Variants in AGBL1 observed in about 807,000 individuals in gnomAD.
AGBL1 encodes cytosolic carboxypeptidase 4.
In AGBL1, 130 loss-of-function variants were observed where a neutral mutation model predicts 118.9. That is an observed-to-expected ratio of 1.09 (90% CI 0.95 to 1.26). The LOEUF is 1.26. AGBL1 is among the 50% of genes most tolerant of loss of function. AGBL1 has a pLI of 0.00. For missense variants in AGBL1, 1,584 were observed against 1,298.1 expected (o/e 1.22, Z -3.38); for synonymous variants, 555 against 478.9 (o/e 1.16, Z -2.08).
chr15:86,398,531 AG>A (rs1327635404), intron 18 of AGBL1, among the ~76,000 whole-genome samples: 1 of 152,176 alleles, frequency 6.6e-6, no homozygotes, highest in Non-Finnish European at 1.5e-5. Flanking sequence ...GCAAAAAAGA[AG>A]TTTAGAAAAC....
chr15:86,534,598 C>G (rs1028495022), intron 19 of AGBL1, among the ~76,000 whole-genome samples: 1 of 152,118 alleles, frequency 6.6e-6, no homozygotes, highest in African/African-American at 2.4e-5. Flanking sequence ...TTTTCTGTCT[C>G]TTTTGTTTGT....
At chr15:86,700,258 G>T (rs916951242) in intron 22 of AGBL1, among the ~76,000 whole-genome samples, 1 of 151,900 alleles carries the variant, frequency 6.6e-6, no homozygotes, top group African/African-American at 2.4e-5. Flanking sequence ...AATTTCTCAT[G>T]CTGGCTGTTG....
intron 22 of AGBL1, among the ~76,000 whole-genome samples, chr15:86,694,208 T>A (rs1406621778): frequency 1.3e-5 from 2 of 152,150 alleles, no homozygotes; most frequent in Admixed American, 6.5e-5. Context: ...TTCACAATAT[T>A]GATTTTACCC....
chr15:86,406,358 C>T (rs1321681520), intron 18 of AGBL1, among the ~76,000 whole-genome samples: 1 of 152,104 alleles, frequency 6.6e-6, no homozygotes, highest in African/African-American at 2.4e-5. Flanking sequence ...GCTCAACATG[C>T]CGTAGTATGG....
At chr15:86,463,409 A>C (rs560989360) in intron 18 of AGBL1, among the ~76,000 whole-genome samples, 1 of 151,854 alleles carries the variant, frequency 6.6e-6, no homozygotes, top group South Asian at 2.1e-4. Flanking sequence ...CTCTGATGAT[A>C]GTTTCTTTTG....
chr15:86,248,964 G>A (rs1386443980), intron 7 of AGBL1, among the ~76,000 whole-genome samples: 1 of 152,164 alleles, frequency 6.6e-6, no homozygotes, highest in African/African-American at 2.4e-5. Context: ...AGTTGCAGAG[G>A]AAGAGCATCC....
intron 22 of AGBL1, among the ~76,000 whole-genome samples, chr15:86,712,930 T>G (rs553569631): frequency 2.2e-4 from 33 of 152,266 alleles, no homozygotes; most frequent in African/African-American, 6.5e-4. Context: ...CCTCCTCTCC[T>G]GGTCTGCATG....
intron 22 of AGBL1, among the ~76,000 whole-genome samples, chr15:86,703,089 A>C (rs1424415107): frequency 6.6e-6 from 1 of 152,180 alleles, no homozygotes; most frequent in African/African-American, 2.4e-5. Context: ...AATTTTAAGG[A>C]GCAACACTGA....
chr15:86,572,249 G>T (rs1443073263), intron 21 of AGBL1, among the ~76,000 whole-genome samples: 1 of 152,158 alleles, frequency 6.6e-6, no homozygotes, highest in Non-Finnish European at 1.5e-5. Context: ...GCCATGGCAG[G>T]GAGGCTGCAG....
In AGBL1 at chr15:86,994,294, G is replaced by A. The variant is rs185939735; in HGVS notation, c.3323+6206G>A. Among the ~76,000 whole-genome samples the A allele has an allele frequency of 2.9e-3, 429 of 149,860 alleles. 2 individuals are homozygous for A. The Middle Eastern group carries it at 0.031, about 11-fold the overall frequency. On this transcript the variant is annotated intron_variant, in intron 24 of 24. Coordinates refer to the AGBL1 transcript ENST00000441037. ...AACTTTGAAAAGCCTAAACAACAAG[G>A]GAATATCTCTCTCTCTCTATATATA... is the stretch of plus-strand genomic sequence containing the variant.
intron 18 of AGBL1, among the ~76,000 whole-genome samples, chr15:86,469,757 G>C (rs944395853): frequency 7.9e-5 from 12 of 151,910 alleles, no homozygotes; most frequent in Non-Finnish European, 1.5e-5. Context: ...TTGTCTTTTT[G>C]TTCAAAACTA....
intron 21 of AGBL1, among the ~76,000 whole-genome samples, chr15:86,652,932 T>C (rs1235489273): frequency 1.3e-5 from 2 of 152,176 alleles, no homozygotes; most frequent in Non-Finnish European, 2.9e-5. Context: ...AAGTCAAGGA[T>C]GTTGCACAAT....
At chr15:86,310,435 G>A (rs554795808) in intron 17 of AGBL1, among the ~76,000 whole-genome samples, 4 of 152,298 alleles carry the variant, frequency 2.6e-5, no homozygotes, top group Middle Eastern at 6.8e-3. Flanking sequence ...CAGGCTTCCT[G>A]TTGGAGTCCT....
At position 86,610,920 on chromosome 15, in the gene AGBL1, C is replaced by T. The variant is rs565513403; in HGVS notation, c.2994+56383C>T. Among the ~76,000 whole-genome samples the T allele has an allele frequency of 2.6e-5, 4 of 152,280 alleles. No individual in the cohort carries two copies. The South Asian group carries it at 8.3e-4, about 32-fold the overall frequency. ...AGTCTGCTCCCTGAACTTGCAGCTT[C>T]ATTGTCACCTGGGAAATGTTAAAAG... On this transcript the variant is annotated intron_variant, in intron 21 of 22. Coordinates refer to ENST00000614907, the MANE Select transcript of AGBL1 (RefSeq NM_001386094.1).
intron 22 of AGBL1, among the ~76,000 whole-genome samples, chr15:86,738,019 A>C (rs913960905): frequency 6.6e-6 from 1 of 152,228 alleles, no homozygotes; most frequent in Non-Finnish European, 1.5e-5. Context: ...GATATATCAC[A>C]TCAACAGAAT....
chr15:86,740,045 C>A (rs2077655665), intron 22 of AGBL1, among the ~76,000 whole-genome samples: 1 of 152,156 alleles, frequency 6.6e-6, no homozygotes, highest in Non-Finnish European at 1.5e-5. Context: ...ATAAAAATAA[C>A]CTCACTTTAA....
At chr15:86,198,913 T>A (rs966331259) in intron 5 of AGBL1, among the ~76,000 whole-genome samples, 1 of 152,164 alleles carries the variant, frequency 6.6e-6, no homozygotes, top group Non-Finnish European at 1.5e-5. Context: ...TATATCAATG[T>A]GATAAAAATT....
chr15:86,150,549 A>G (rs1207929393), intron 3 of AGBL1, among the ~76,000 whole-genome samples: 1 of 152,238 alleles, frequency 6.6e-6, no homozygotes, highest in Admixed American at 6.5e-5. Flanking sequence ...TCCTGGGCAC[A>G]TACACCCTCC....
chr15:86,979,398 A>G (rs1187351259), intron 23 of AGBL1, among the ~76,000 whole-genome samples: 1 of 152,208 alleles, frequency 6.6e-6, no homozygotes, highest in Non-Finnish European at 1.5e-5. Context: ...TATCTAATAC[A>G]TGATACAATT....
Sources: gnomAD v4.1 joint callset for allele counts (sites outside exome capture counted in the v4.1 genomes callset) on GRCh38, gnomAD v4.1.1 for gene constraint, MANE v1.5 for transcripts, NCBI Gene and HGNC (gene_info 2026-07-23, HGNC 2026-07-21) for gene names.